The following CLHC1 variants were observed in gnomAD, a reference collection of about 807,000 sequenced individuals.
CLHC1 encodes clathrin heavy chain linker domain-containing protein 1.
A neutral mutation model predicts 69.5 loss-of-function variants in CLHC1; 72 were observed. The observed-to-expected ratio is 1.04, with a 90% CI of 0.86 to 1.26. The LOEUF is 1.26. CLHC1 is among the 50% of genes most tolerant of loss of function. CLHC1 has a pLI of 0.00. For synonymous variants in CLHC1, 223 were observed against 224.3 expected (o/e 0.99, Z 0.05); for missense variants, 790 against 679.3 (o/e 1.16, Z -1.81).
intron 9 of CLHC1, among the ~76,000 whole-genome samples, chr2:55,182,284 T>C (rs6545478): frequency 0.46 from 69,375 of 151,908 alleles, 16,267 homozygotes; most frequent in East Asian, 0.51. Context: ...TAAAGGAATA[T>C]ACTTAGTCTA....
chr2:55,174,159 G>T lies in CLHC1; in HGVS notation c.*1631C>A, dbSNP rs192608998. ...AGGCCAAAAATCAAAATATTATTTT[G>T]ATAAGGCTTTTAGTAATAAATTGCT... On this transcript the variant is annotated 3_prime_UTR_variant, in exon 13 of 13. Transcript: ENST00000401408. 6.6e-3 allele frequency among the ~76,000 whole-genome samples: 1,007 copies of T among 151,934 alleles called. 14 individuals carry two copies. Among genetic ancestry groups the T allele is most frequent in the Non-Finnish European group, 0.011 (754 of 67,976 alleles).
chr2:55,175,651 A>T lies in CLHC1; in HGVS notation c.*139T>A, dbSNP rs189222063. ...TATTTCAAAGACAAATCTAAATGTC[A>T]TCATAACAAAAGTGTGATTTATTTC... On this transcript the variant is annotated 3_prime_UTR_variant, in exon 13 of 13. Coordinates refer to ENST00000401408, the MANE Select transcript of CLHC1 (RefSeq NM_152385.4). 1 of 596,048 alleles carries T rather than the reference A, an allele frequency of 1.7e-6. No homozygotes were observed. The highest frequency in any genetic ancestry group is 2.8e-5 in the East Asian group (1 of 36,214). 36.9% of individuals were successfully genotyped at this position (596,048 alleles called of 1,614,324 possible).
At chr2:55,205,836 A>C (rs1672388558) in intron 9 of CLHC1, 1 of 153,294 alleles carries the variant, frequency 6.5e-6, no homozygotes, top group South Asian at 2.1e-4. Flanking sequence ...CAGAGGTGGC[A>C]GTGAGCCAAG....
At chr2:55,190,433 T>C (rs894138891) in intron 9 of CLHC1, among the ~76,000 whole-genome samples, 8 of 152,122 alleles carry the variant, frequency 5.3e-5, no homozygotes, top group Non-Finnish European at 1.0e-4. Context: ...AAAAATGTAA[T>C]AAATCAAAAT....
chr2:55,222,722 A>G (rs1179005719), intron 2 of CLHC1, among the ~76,000 whole-genome samples: 1 of 151,740 alleles, frequency 6.6e-6, no homozygotes, highest in Non-Finnish European at 1.5e-5. Flanking sequence ...GGAGTTCGAG[A>G]CCAGCCTGAC....
chr2:55,175,589 A>G lies in CLHC1; in HGVS notation c.*201T>C, dbSNP rs550454286. 1.9e-6 allele frequency: 1 copy of G among 521,906 alleles called. No individual in the cohort carries two copies. Among genetic ancestry groups the G allele is most frequent in the Non-Finnish European group, 3.4e-6 (1 of 295,116 alleles). The allele number at this position is 521,906 out of a possible 1,614,324, so 32.3% of individuals were successfully genotyped here. A position where few individuals can be genotyped will look rare whatever the true frequency, so the allele number is the denominator to read the frequency against. On this transcript the variant is annotated 3_prime_UTR_variant, in exon 13 of 13. Coordinates refer to ENST00000401408, the MANE Select transcript of CLHC1 (RefSeq NM_152385.4). ...GGATTTTATCAAGATTCAATATAAG[A>G]AATGACCATATGGGGAAAAGGAAGC...
intron 9 of CLHC1, among the ~76,000 whole-genome samples, chr2:55,190,014 A>T (rs1256416010): frequency 6.6e-6 from 1 of 152,164 alleles, no homozygotes. Flanking sequence ...AAGGTTAAGA[A>T]GAGTTTACCA....
rs1357107291 is a variant in CLHC1, at chr2:55,217,937, G to T, written c.239C>A (p.Ala80Asp). 6 of 1,588,196 alleles carry T rather than the reference G, an allele frequency of 3.8e-6. No individual in the cohort carries two copies. In the South Asian group the frequency reaches 4.5e-5, roughly 12 times the overall value. ...GTCTTTCTTTATTGTCTCAATAAAG[G>T]CATCATATTCTTTTTTGATTGAAGT... ...ILTSIKKEYD[A>D]FIETIKKDRR... The change falls in exon 4 of 13, where the codon GCC (alanine) becomes GAC (aspartate). Residue 80 changes from alanine (A) to aspartate (D), a missense_variant. Ala to Asp is a moderately radical substitution (Grantham distance 126, BLOSUM62 -2). Transcript: ENST00000401408.
intron 3 of CLHC1, among the ~76,000 whole-genome samples, chr2:55,221,245 T>C (rs1390659916): frequency 6.6e-6 from 1 of 152,176 alleles, no homozygotes; most frequent in Non-Finnish European, 1.5e-5. Flanking sequence ...ATTTCACTTA[T>C]TTCACTGTCA....
intron 10 of CLHC1, 98 bp from the exon 11 acceptor site, chr2:55,180,810 C>T: frequency 2.4e-6 from 2 of 833,620 alleles, no homozygotes; most frequent in Non-Finnish European, 3.9e-6. Context: ...ACTGGATTTT[C>T]TACTACCTGT....
chr2:55,187,558 T>A (rs1670535453), intron 9 of CLHC1, among the ~76,000 whole-genome samples: 1 of 151,806 alleles, frequency 6.6e-6, no homozygotes, highest in South Asian at 2.1e-4. Flanking sequence ...GAGGTTGCAG[T>A]GAGCTGAGAT....
chr2:55,227,047 A>G (rs1674776196), intron 2 of CLHC1, among the ~76,000 whole-genome samples: 2 of 152,246 alleles, frequency 1.3e-5, no homozygotes, highest in South Asian at 4.1e-4. Flanking sequence ...CAGCCTGTAA[A>G]TACTGCCCAT....
intron 9 of CLHC1, among the ~76,000 whole-genome samples, chr2:55,193,735 C>G (rs1390652223): frequency 6.6e-6 from 1 of 152,124 alleles, no homozygotes; most frequent in African/African-American, 2.4e-5. Flanking sequence ...TAATACAGAG[C>G]TACCATATAA....
chr2:55,173,600 T>G lies in CLHC1; in HGVS notation c.*2190A>C, dbSNP rs1334876771. Among the ~76,000 whole-genome samples the G allele has an allele frequency of 6.6e-6, 1 of 152,220 alleles. No individual in the cohort carries two copies. The highest frequency in any genetic ancestry group is 1.5e-5 in the Non-Finnish European group (1 of 68,044). ...GGTGGGGCTGGTCTAGAATGCAGGT[T>G]TCTGTGCTGAGGCCCAGATTATACC... is the stretch of plus-strand genomic sequence containing the variant. On this transcript the variant is annotated 3_prime_UTR_variant, in exon 13 of 13. Transcript: ENST00000401408.
chr2:55,181,451 G>T, intron 10 of CLHC1, 119 bp downstream of exon 10: 3 of 782,414 alleles, frequency 3.8e-6, no homozygotes, highest in Non-Finnish European at 6.0e-6. Context: ...CTGATTAATT[G>T]CAATAGGGAC....
rs140473844 is a variant in CLHC1, at chr2:55,228,507, G to T, written c.-255-303C>A. Among the ~76,000 whole-genome samples the T allele has an allele frequency of 1.8e-3, 279 of 152,276 alleles. 2 individuals carry two copies. The highest frequency in any genetic ancestry group is 6.4e-3 in the African/African-American group (268 of 41,562). On this transcript the variant is annotated intron_variant, in intron 1 of 12. Coordinates refer to ENST00000401408, the MANE Select transcript of CLHC1 (RefSeq NM_152385.4). ...CATTCATTCATATTAGACATTTAGG[G>T]ATGTGTTGACAAGTCACAAGGGTTC...
chr2:55,201,180 G>A (rs1418095084), intron 9 of CLHC1, among the ~76,000 whole-genome samples: 8 of 150,154 alleles, frequency 5.3e-5, no homozygotes, highest in Non-Finnish European at 1.2e-4. Flanking sequence ...AAACAATGAA[G>A]ATCAGAGCAG....
At chr2:55,188,239 C>T (rs1670600008) in intron 9 of CLHC1, among the ~76,000 whole-genome samples, 1 of 151,918 alleles carries the variant, frequency 6.6e-6, no homozygotes, top group South Asian at 2.1e-4. Context: ...TCACTTGAGC[C>T]CAGGAGGTTG....
Position 55,179,932 on chromosome 2 carries a change from A to C in CLHC1, c.1384+578T>G, listed in dbSNP as rs191555450. Among the ~76,000 whole-genome samples, 186 of 152,292 alleles carry C rather than the reference A, an allele frequency of 1.2e-3. 2 individuals are homozygous for C. Among genetic ancestry groups the C allele is most frequent in the Admixed American group, 2.4e-3 (36 of 15,282 alleles). On this transcript the variant is annotated intron_variant, in intron 11 of 12. Transcript: ENST00000401408. ...CACTTTGAGAGGCTGAGGCGGGCAGATCACAAGATCAGGAGATCAAGACCA... is the reference window on the plus strand; with the variant it reads ...CACTTTGAGAGGCTGAGGCGGGCAGCTCACAAGATCAGGAGATCAAGACCA...
Sources: gnomAD v4.1 joint callset for allele counts (sites outside exome capture counted in the v4.1 genomes callset) on GRCh38, gnomAD v4.1.1 for gene constraint, MANE v1.5 for transcripts, NCBI Gene and HGNC (gene_info 2026-07-23, HGNC 2026-07-21) for gene names.